Variants in NOS3 observed in about 807,000 individuals in gnomAD.
The protein encoded by NOS3 is NOS type III.
A neutral mutation model predicts 144.9 loss-of-function variants in NOS3; 98 were observed. That is an observed-to-expected ratio of 0.68 (90% CI 0.57 to 0.80). NOS3 has a LOEUF of 0.80. Among genes scored for constraint, NOS3 ranks in the 30% least tolerant of loss-of-function variants. The pLI, the probability that NOS3 is intolerant of heterozygous loss-of-function variation, is 0.00. For synonymous variants in NOS3, 714 were observed against 702.4 expected (o/e 1.02, Z -0.26); for missense variants, 1,465 against 1,656.4 (o/e 0.88, Z 2.01).
chr7:151,003,923 G>C lies in NOS3; in HGVS notation c.1752+1619G>C, dbSNP rs1161995419. 2.9e-6 allele frequency: 1 copy of C among 343,838 alleles called. No individual in the cohort carries two copies. Among genetic ancestry groups the C allele is most frequent in the Admixed American group, 4.1e-5 (1 of 24,128 alleles). The allele number at this position is 343,838 out of a possible 1,614,324, so 21.3% of individuals were successfully genotyped here. ...GGGCTATTATGAATAAACCTGTTAT[G>C]AACATTCTTGTACCCGGCTTTTGTG... On this transcript the variant is annotated intron_variant, in intron 14 of 26. Transcript: ENST00000297494. The surrounding 1 kb of genome is among the most constrained non-coding windows in gnomAD (Gnocchi z 4.1).
chr7:151,012,047 AAC>A (rs1795315852), intron 23 of NOS3: 2 of 347,600 alleles, frequency 5.8e-6, no homozygotes, highest in African/African-American at 4.2e-5. Flanking sequence ...ACTTAAAATA[AAC>A]ACACTTAGTG....
At chr7:151,009,636 C>T (rs1263095358) in intron 20 of NOS3, 51 bp downstream of exon 20, 4 of 1,426,628 alleles carry the variant, frequency 2.8e-6, no homozygotes, top group Non-Finnish European at 3.7e-6. Flanking sequence ...ATGCCCAGCC[C>T]CACCCCCGGC....
intron 9 of NOS3, among the ~76,000 whole-genome samples, chr7:151,000,271 G>A (rs889995905): frequency 1.3e-5 from 2 of 152,028 alleles, no homozygotes; most frequent in Non-Finnish European, 2.9e-5. Context: ...TTTTAGAGAT[G>A]AGAAATTAAA....
rs1244856875 is a variant in NOS3, at chr7:151,012,235, T to TA, written c.2985-114dup. The TA allele has an allele frequency of 5.4e-6, 5 of 934,576 alleles. No individual in the cohort carries two copies. The African/African-American group carries it at 6.7e-5, about 12-fold the overall frequency. 57.9% of individuals were successfully genotyped at this position (934,576 alleles called of 1,614,324 possible). ...TGTTTTTTGTTTTTTGTTTTTTTTT[T>TA]AATTTTTTTTTGAGATGGGAAGAAC... On this transcript the variant is annotated intron_variant, in intron 23 of 26. Transcript: ENST00000297494.
intron 5 of NOS3, among the ~76,000 whole-genome samples, chr7:150,997,184 C>T (rs1802449417): frequency 7.4e-6 from 1 of 135,268 alleles, no homozygotes; most frequent in Admixed American, 7.0e-5. Flanking sequence ...TCTAGACCTG[C>T]TGCAGGGGTG....
In NOS3 at chr7:151,001,848, G is replaced by A; in HGVS notation, c.1530G>A (p.Met510Ile). The A allele has an allele frequency of 6.2e-7, 1 of 1,613,552 alleles. No homozygotes were observed. The highest frequency in any genetic ancestry group is 8.5e-7 in the Non-Finnish European group (1 of 1,179,964). The stretch of plus-strand genomic sequence containing the variant: ...CCGTGAAGATCTCCGCCTCGCTCAT[G>A]GGCACGGTGATGGCGAAGCGAGTGA... ...ANAVKISASL[M>I]GTVMAKRVKA... The change falls in exon 13 of 27, where the codon ATG becomes ATA. Residue 510 changes from methionine to isoleucine, a missense_variant. Met to Ile is a conservative substitution (Grantham distance 10). Coordinates refer to ENST00000297494, the MANE Select transcript of NOS3 (RefSeq NM_000603.5).
At chr7:151,000,197 C>T (rs1384682109) in intron 9 of NOS3, among the ~76,000 whole-genome samples, 1 of 151,726 alleles carries the variant, frequency 6.6e-6, no homozygotes, top group Non-Finnish European at 1.5e-5. Flanking sequence ...GCATAGGACC[C>T]ATAGCTCTAG....
intron 12 of NOS3, 34 bp downstream of exon 12, chr7:151,001,651 C>T (rs770704852): frequency 8.1e-6 from 13 of 1,602,182 alleles, no homozygotes; most frequent in Non-Finnish European, 9.4e-6. Flanking sequence ...CTCCCACACA[C>T]ACCCTGGGGG....
chr7:151,009,140 G>A (rs761895313), intron 18 of NOS3, 49 bp from the exon 19 acceptor site: 8 of 1,613,244 alleles, frequency 5.0e-6, no homozygotes, highest in East Asian at 2.2e-5. Flanking sequence ...CTGGGGCCAG[G>A]CCCTGCTCCC....
chr7:151,008,690 C>G (rs1005862684), intron 17 of NOS3, among the ~76,000 whole-genome samples: 1 of 152,170 alleles, frequency 6.6e-6, no homozygotes, highest in Admixed American at 6.5e-5. Flanking sequence ...GGGATTAACA[C>G]GCACCAGATA....
At chr7:151,008,244 G>A (rs1448523986) in intron 17 of NOS3, among the ~76,000 whole-genome samples, 1 of 152,122 alleles carries the variant, frequency 6.6e-6, no homozygotes, top group African/African-American at 2.4e-5. Flanking sequence ...GGCCGAGGAA[G>A]GAAGGAAGAG....
In NOS3 at chr7:150,991,137, T is replaced by C. The variant is rs1294103067; in HGVS notation, c.-215T>C. The C allele has an allele frequency of 1.3e-5, 2 of 152,244 alleles. No homozygotes were observed. The highest frequency in any genetic ancestry group is 6.5e-5 in the Admixed American group (1 of 15,282). The allele number at this position is 152,244 out of a possible 1,614,324, so 9.4% of individuals were successfully genotyped here. A position where few individuals can be genotyped will look rare whatever the true frequency, so the allele number is the denominator to read the frequency against. ...GAACAAAGCTGAACATACTGATGCA[T>C]TGGATCTTTGGAGAGGATCTCAGAA... On this transcript the variant is annotated 5_prime_UTR_variant, in exon 1 of 27. Transcript: ENST00000297494.
chr7:151,013,627 C>G, intron 25 of NOS3, 97 bp from the exon 26 acceptor site: 1 of 1,240,314 alleles, frequency 8.1e-7, no homozygotes, highest in Non-Finnish European at 1.1e-6. Context: ...ACCAGGCCCG[C>G]TCCGGAGACT....
In NOS3 at chr7:150,998,830, C is replaced by T. The variant is rs769897501; in HGVS notation, c.817-116C>T. The T allele has an allele frequency of 1.2e-5, 17 of 1,470,082 alleles. No homozygotes were observed. The highest frequency in any genetic ancestry group is 2.4e-4 in the Middle Eastern group (1 of 4,088). 91.1% of individuals were successfully genotyped at this position (1,470,082 alleles called of 1,614,324 possible). A position where few individuals can be genotyped will look rare whatever the true frequency, so the allele number is the denominator to read the frequency against. On this transcript the variant is annotated intron_variant, in intron 7 of 26. Coordinates refer to ENST00000297494, the MANE Select transcript of NOS3 (RefSeq NM_000603.5). This position sits in a 1 kb window ranked among gnomAD's most constrained non-coding sequence, Gnocchi z 5.0. Reference sequence around the variant, plus strand: ...CAAAGGAGGGGTGCCTGGGTGGTCACGGAGACCCAGCCAATGAGGGACCCT... The same window carrying T: ...CAAAGGAGGGGTGCCTGGGTGGTCATGGAGACCCAGCCAATGAGGGACCCT...
rs757787343 is a variant in NOS3, at chr7:151,003,452, TC to T, written c.1752+1149del. 6.6e-6 allele frequency: 8 copies of T among 1,216,562 alleles called. No homozygotes were observed. Among genetic ancestry groups the T allele is most frequent in the Non-Finnish European group, 7.4e-6 (7 of 950,652 alleles). 75.4% of individuals were successfully genotyped at this position (1,216,562 alleles called of 1,614,324 possible). On this transcript the variant is annotated intron_variant, in intron 14 of 26. Transcript: ENST00000297494. This position sits in a 1 kb window ranked among gnomAD's most constrained non-coding sequence, Gnocchi z 4.1. ...TCAGTATCTTAAGCAAGTTGGAATC[TC>T]GTGAAACCCTTTTTGCTGCCTTAGT...
At chr7:151,006,529 GC>G (rs1795208994) in intron 15 of NOS3, 35 bp downstream of exon 15, 1 of 1,556,114 alleles carries the variant, frequency 6.4e-7, no homozygotes, top group South Asian at 1.1e-5. Context: ...AGCTGGGGGA[GC>G]TGATGCATTT....
intron 12 of NOS3, 46 bp from the exon 13 acceptor site, chr7:151,001,760 TTGCCTGGGGAGGCCC>T: frequency 6.2e-7 from 1 of 1,607,852 alleles, no homozygotes; most frequent in Non-Finnish European, 8.5e-7. Flanking sequence ...GGTTGGACCC[TTGCCTGGGGAGGCCC>T]TGCCTCTGTG....
chr7:151,001,483 TGGG>T, intron 11 of NOS3, 58 bp downstream of exon 11: 1 of 1,605,428 alleles, frequency 6.2e-7, no homozygotes, highest in Non-Finnish European at 8.5e-7. Flanking sequence ...AAGCAGCCCC[TGGG>T]GACCTCTAAC....
rs1795159553 is a variant in NOS3, at chr7:151,003,557, G to A, written c.1752+1253G>A. 3 of 1,300,066 alleles carry A rather than the reference G, an allele frequency of 2.3e-6. No individual in the cohort carries two copies. Among genetic ancestry groups the A allele is most frequent in the South Asian group, 1.2e-5 (1 of 80,438 alleles). 80.5% of individuals were successfully genotyped at this position (1,300,066 alleles called of 1,614,324 possible). A position where few individuals can be genotyped will look rare whatever the true frequency, so the allele number is the denominator to read the frequency against. ...ATTGACTTTTTTTTAGCATAAAGGT[G>A]TATAGACACCCATATAACCTACAGC... is the stretch of plus-strand genomic sequence containing the variant. On this transcript the variant is annotated intron_variant, in intron 14 of 26. Transcript: ENST00000297494. This position sits in a 1 kb window ranked among gnomAD's most constrained non-coding sequence, Gnocchi z 4.1.
Sources: gnomAD v4.1 joint callset for allele counts (sites outside exome capture counted in the v4.1 genomes callset) on GRCh38, gnomAD v4.1.1 for gene constraint, Gnocchi (gnomAD v3.1) non-coding constraint, MANE v1.5 for transcripts, NCBI Gene and HGNC (gene_info 2026-07-23, HGNC 2026-07-21) for gene names.